Variants in LGMN observed in about 807,000 individuals in gnomAD.
The protein encoded by LGMN is legumain, also known as asparaginyl endopeptidase.
Under a neutral mutation model 56.8 loss-of-function variants are expected in LGMN, and 36 were observed. The ratio of observed to expected loss-of-function variants is 0.63; its 90% CI spans 0.49 to 0.84. LGMN has a LOEUF of 0.84. Among genes scored for constraint, LGMN ranks in the 40% least tolerant of loss-of-function variants. The probability of loss-of-function intolerance (pLI) is 0.00; values close to 1 mark genes in which losing one functional copy is unlikely to be tolerated. For missense variants in LGMN, 446 were observed against 556.1 expected (o/e 0.80, Z 1.99); for synonymous variants, 199 against 210.1 (o/e 0.95, Z 0.46).
At chr14:92,711,793 G>C (rs1380159303) in intron 9 of LGMN, 44 bp downstream of exon 9, 1 of 1,610,166 alleles carries the variant, frequency 6.2e-7, no homozygotes, top group East Asian at 2.2e-5. Flanking sequence ...ATCAGAGTCT[G>C]ACGGTTAAAC....
At chr14:92,732,441 C>T in intron 2 of LGMN, 1 of 545,004 alleles carries the variant, frequency 1.8e-6, no homozygotes, top group Non-Finnish European at 3.2e-6. Context: ...AAACTGTTTT[C>T]CAAAATGGCT....
chr14:92,713,132 C>T (rs911958729), intron 7 of LGMN, among the ~76,000 whole-genome samples: 2 of 152,206 alleles, frequency 1.3e-5, no homozygotes, highest in South Asian at 2.1e-4. Flanking sequence ...CTAAGGAAAA[C>T]GGTTCCACCA....
chr14:92,722,291 GC>G lies in LGMN; in HGVS notation c.139-3448del, dbSNP rs1381434723. ...CCATTTAATTTAAAAATGAAGTCAG[GC>G]CAGGCGCAGTGGCTCACACCTGTAA... On this transcript the variant is annotated intron_variant, in intron 2 of 13. Coordinates refer to ENST00000334869, the MANE Select transcript of LGMN (RefSeq NM_005606.7). Among the ~76,000 whole-genome samples, 4 of 152,200 alleles carry G rather than the reference GC, an allele frequency of 2.6e-5. No homozygotes were observed. In the East Asian group the frequency reaches 5.8e-4, roughly 22 times the overall value.
At chr14:92,706,762 C>T (rs774080105) in intron 11 of LGMN, 109 bp from the exon 12 acceptor site, 87 of 998,246 alleles carry the variant, frequency 8.7e-5, no homozygotes, top group South Asian at 2.3e-4. Flanking sequence ...CAGCCCTCAG[C>T]CTCCCGCAGG....
intron 2 of LGMN, 87 bp downstream of exon 2, chr14:92,732,557 TTCAAG>T: frequency 6.9e-7 from 1 of 1,446,842 alleles, no homozygotes; most frequent in African/African-American, 1.4e-5. Flanking sequence ...TCAATGGCTT[TTCAAG>T]TCTTTTCTAT....
At chr14:92,744,677 C>A (rs1200917151) in intron 1 of LGMN, among the ~76,000 whole-genome samples, 1 of 149,876 alleles carries the variant, frequency 6.7e-6, no homozygotes, top group African/African-American at 2.5e-5. Flanking sequence ...CTCACCACAA[C>A]CTCCACCTCC....
At chr14:92,747,898 C>A (rs1165177697) in intron 1 of LGMN, among the ~76,000 whole-genome samples, 1 of 152,164 alleles carries the variant, frequency 6.6e-6, no homozygotes, top group Non-Finnish European at 1.5e-5. Flanking sequence ...AACCTCAAAT[C>A]AAATAGGGAC....
chr14:92,731,004 T>C (rs1158892189), intron 2 of LGMN, among the ~76,000 whole-genome samples: 1 of 152,044 alleles, frequency 6.6e-6, no homozygotes, highest in Non-Finnish European at 1.5e-5. Context: ...ACATTTACCA[T>C]GGCTCTTTTA....
rs754568767 is a variant in LGMN, at chr14:92,703,877, C to A, written c.*442G>T. The A allele has an allele frequency of 7.5e-5, 31 of 414,200 alleles. No homozygotes were observed. Among genetic ancestry groups the A allele is most frequent in the East Asian group, 2.8e-4 (5 of 18,108 alleles). The allele number at this position is 414,200 out of a possible 1,614,324, so 25.7% of individuals were successfully genotyped here. A position where few individuals can be genotyped will look rare whatever the true frequency, so the allele number is the denominator to read the frequency against. ...CTGCAGAATTAAATACAAAAGCAAT[C>A]AAAAATCATCATATTTTCTAAAAAC... On this transcript the variant is annotated 3_prime_UTR_variant, in exon 14 of 14. Transcript: ENST00000334869.
At chr14:92,739,689 G>C (rs1891463463) in intron 1 of LGMN, among the ~76,000 whole-genome samples, 1 of 152,200 alleles carries the variant, frequency 6.6e-6, no homozygotes, top group Non-Finnish European at 1.5e-5. Context: ...ATTTGTAAAA[G>C]GGGAAGAAAC....
chr14:92,704,157 G>A lies in LGMN; in HGVS notation c.*162C>T, dbSNP rs779452578. 1.6e-5 allele frequency: 13 copies of A among 833,988 alleles called. No individual in the cohort carries two copies. The highest frequency in any genetic ancestry group is 8.4e-5 in the African/African-American group (5 of 59,740). 51.7% of individuals were successfully genotyped at this position (833,988 alleles called of 1,614,324 possible). A position where few individuals can be genotyped will look rare whatever the true frequency, so the allele number is the denominator to read the frequency against. On this transcript the variant is annotated 3_prime_UTR_variant, in exon 14 of 14. Coordinates refer to ENST00000334869, the MANE Select transcript of LGMN (RefSeq NM_005606.7). ...AAAGACTGGGGAAGCAGGTAACAGC[G>A]AGCAAGTCATCTTGTGAAGAAGGTC...
intron 2 of LGMN, among the ~76,000 whole-genome samples, chr14:92,723,205 C>T (rs1356974017): frequency 6.6e-6 from 1 of 152,010 alleles, no homozygotes; most frequent in Non-Finnish European, 1.5e-5. Flanking sequence ...CACCACCACA[C>T]CTGGCTAATT....
chr14:92,746,184 C>A (rs1255785521), intron 1 of LGMN, among the ~76,000 whole-genome samples: 1 of 152,154 alleles, frequency 6.6e-6, no homozygotes, highest in Non-Finnish European at 1.5e-5. Context: ...AATTCCTAAT[C>A]TGATGAACAT....
intron 7 of LGMN, 39 bp downstream of exon 7, chr14:92,713,783 AC>A (rs752066888): frequency 9.6e-6 from 14 of 1,454,636 alleles, no homozygotes; most frequent in African/African-American, 1.4e-5. Context: ...CTTTCCTCAC[AC>A]CCCCCGCCCC....
At chr14:92,719,271 C>T (rs1595540796) in intron 2 of LGMN, among the ~76,000 whole-genome samples, 2 of 79,070 alleles carry the variant, frequency 2.5e-5, no homozygotes, top group East Asian at 6.8e-4. Context: ...CCACCGCCGC[C>T]GCCGCCACCG....
intron 2 of LGMN, among the ~76,000 whole-genome samples, chr14:92,727,648 G>A (rs1890808126): frequency 6.6e-6 from 1 of 152,060 alleles, no homozygotes; most frequent in Non-Finnish European, 1.5e-5. Flanking sequence ...GAGCTTCTGT[G>A]GAAATCCCGT....
Position 92,703,818 on chromosome 14 carries a change from T to C in LGMN, c.*501A>G. On this transcript the variant is annotated 3_prime_UTR_variant, in exon 14 of 14. Transcript: ENST00000334869. ...GTGTCGGACGTGAATATTTGGGTTC[T>C]GTTATAAATCTTTATTTTTTAAGAC... is the stretch of plus-strand genomic sequence containing the variant. The C allele has an allele frequency of 3.3e-6, 1 of 303,574 alleles. No individual in the cohort carries two copies. Among genetic ancestry groups the C allele is most frequent in the Non-Finnish European group, 6.3e-6 (1 of 159,130 alleles). 18.8% of individuals were successfully genotyped at this position (303,574 alleles called of 1,614,324 possible).
At chr14:92,728,318 C>T (rs1247756243) in intron 2 of LGMN, among the ~76,000 whole-genome samples, 1 of 152,184 alleles carries the variant, frequency 6.6e-6, no homozygotes, top group Non-Finnish European at 1.5e-5. Context: ...ATAGGGTTCA[C>T]GCTCCTATTA....
chr14:92,739,080 A>G (rs573230492), intron 1 of LGMN, among the ~76,000 whole-genome samples: 11 of 152,284 alleles, frequency 7.2e-5, no homozygotes, highest in African/African-American at 2.4e-4. Context: ...ACACATAAAA[A>G]TAGAAAGGCC....
Sources: gnomAD v4.1 joint callset for allele counts (sites outside exome capture counted in the v4.1 genomes callset) on GRCh38, gnomAD v4.1.1 for gene constraint, MANE v1.5 for transcripts, NCBI Gene and HGNC (gene_info 2026-07-23, HGNC 2026-07-21) for gene names.